Variants in KCNH8 observed in about 807,000 individuals in gnomAD.
KCNH8 encodes the protein voltage-gated delayed rectifier potassium channel KCNH8.
In KCNH8, 70 loss-of-function variants were observed where a neutral mutation model predicts 103.6. That is an observed-to-expected ratio of 0.68 (90% CI 0.56 to 0.82). The LOEUF is 0.82. Among genes scored for constraint, KCNH8 ranks in the 40% least tolerant of loss-of-function variants. The pLI, the probability that KCNH8 is intolerant of heterozygous loss-of-function variation, is 0.00. For synonymous variants in KCNH8, 498 were observed against 489.4 expected (o/e 1.02, Z -0.23); for missense variants, 1,217 against 1,329.9 (o/e 0.92, Z 1.32).
chr3:19,491,258 A>T (rs2068314461), intron 11 of KCNH8, among the ~76,000 whole-genome samples: 1 of 152,130 alleles, frequency 6.6e-6, no homozygotes, highest in East Asian at 1.9e-4. Context: ...GGGCAGGTTT[A>T]TTACATGGGG....
chr3:19,375,293 C>T (rs1183024182), intron 5 of KCNH8, among the ~76,000 whole-genome samples: 1 of 149,494 alleles, frequency 6.7e-6, no homozygotes, highest in Non-Finnish European at 1.5e-5. Context: ...TTCTTGGAGG[C>T]TTTGCTCATT....
chr3:19,384,092 TAATAA>T (rs895031586), intron 5 of KCNH8, among the ~76,000 whole-genome samples: 5 of 152,192 alleles, frequency 3.3e-5, no homozygotes, highest in Admixed American at 6.6e-5. Flanking sequence ...TAAACTTATA[TAATAA>T]AATAAAAGCA....
intron 3 of KCNH8, among the ~76,000 whole-genome samples, chr3:19,295,225 GA>G (rs898376397): frequency 6.6e-6 from 1 of 151,286 alleles, no homozygotes; most frequent in African/African-American, 2.4e-5. Context: ...ACAAAACATT[GA>G]AAAAAAATTT....
intron 3 of KCNH8, among the ~76,000 whole-genome samples, chr3:19,305,013 G>C (rs192258608): frequency 6.6e-6 from 1 of 151,918 alleles, no homozygotes; most frequent in Non-Finnish European, 1.5e-5. Context: ...TGCCAGCTAA[G>C]TTCCCAGATC....
chr3:19,194,336 C>T (rs1575427295), intron 1 of KCNH8, among the ~76,000 whole-genome samples: 2 of 151,628 alleles, frequency 1.3e-5, no homozygotes, highest in East Asian at 3.9e-4. Context: ...TTTATTTGAG[C>T]AAGTGTTAGT....
intron 1 of KCNH8, among the ~76,000 whole-genome samples, chr3:19,249,799 A>G (rs2064252713): frequency 6.6e-6 from 1 of 152,154 alleles, no homozygotes; most frequent in South Asian, 2.1e-4. Flanking sequence ...AATTCAAGTT[A>G]TGGGCTTCTT....
intron 1 of KCNH8, among the ~76,000 whole-genome samples, chr3:19,205,006 C>T (rs930551886): frequency 6.6e-6 from 1 of 151,838 alleles, no homozygotes; most frequent in African/African-American, 2.4e-5. Context: ...TATGGTCATA[C>T]AAAAGAAACC....
At chr3:19,386,838 G>A (rs2066363774) in intron 5 of KCNH8, among the ~76,000 whole-genome samples, 1 of 152,060 alleles carries the variant, frequency 6.6e-6, no homozygotes, top group Admixed American at 6.6e-5. Flanking sequence ...TAAAGGGAGT[G>A]GGACAGCTAC....
intron 1 of KCNH8, among the ~76,000 whole-genome samples, chr3:19,179,601 G>GT (rs1483768811): frequency 6.6e-6 from 1 of 152,108 alleles, no homozygotes; most frequent in African/African-American, 2.4e-5. Flanking sequence ...TCTGCAGAGA[G>GT]TTTAACAGAA....
chr3:19,336,618 A>G lies in KCNH8; in HGVS notation c.443-5969A>G, dbSNP rs908318225. On this transcript the variant is annotated intron_variant, in intron 3 of 15. Transcript: ENST00000328405. ...AATTTTATTTATTTTTTGCCACCACAGCTATCAATTTCTGAGACAGATGAA... is the reference window on the plus strand; with the variant it reads ...AATTTTATTTATTTTTTGCCACCACGGCTATCAATTTCTGAGACAGATGAA... Among the ~76,000 whole-genome samples, 91 of 152,022 alleles carry G rather than the reference A, an allele frequency of 6.0e-4. 1 individual carries two copies. Among genetic ancestry groups the G allele is most frequent in the Admixed American group, 6.0e-3 (91 of 15,242 alleles).
At position 19,438,271 on chromosome 3, in the gene KCNH8, C is replaced by G. The variant is rs2067230331; in HGVS notation, c.1285C>G (p.Leu429Val). Residue 429 changes from leucine to valine, a missense_variant, in exon 8 of 16, where the codon CTG becomes GTG. Coordinates refer to ENST00000328405, the MANE Select transcript of KCNH8 (RefSeq NM_144633.3). ...SAYIAALYFT[L>V]SSLTSVGFGN... Reference sequence around the variant, plus strand: ...CTATATTGCCGCTCTGTACTTCACGCTGAGCAGCCTCACCAGCGTGGGTTT... The same window carrying G: ...CTATATTGCCGCTCTGTACTTCACGGTGAGCAGCCTCACCAGCGTGGGTTT... The G allele has an allele frequency of 6.2e-7, 1 of 1,614,006 alleles. No individual in the cohort carries two copies. The highest frequency in any genetic ancestry group is 8.5e-7 in the Non-Finnish European group (1 of 1,180,012).
intron 7 of KCNH8, among the ~76,000 whole-genome samples, chr3:19,411,693 G>A (rs892702396): frequency 3.3e-5 from 5 of 151,706 alleles, no homozygotes; most frequent in African/African-American, 1.2e-4. Context: ...ACAAAAATCA[G>A]TAGTGTGCCT....
intron 5 of KCNH8, among the ~76,000 whole-genome samples, chr3:19,380,728 T>C (rs1004841037): frequency 6.0e-4 from 92 of 152,256 alleles, no homozygotes; most frequent in African/African-American, 2.1e-3. Flanking sequence ...TGAAGAGCAC[T>C]CAGTGCCAAG....
intron 1 of KCNH8, among the ~76,000 whole-genome samples, chr3:19,249,957 G>A (rs1029440276): frequency 7.9e-5 from 12 of 152,136 alleles, no homozygotes; most frequent in African/African-American, 2.9e-4. Context: ...AATGGCAAAG[G>A]CAAGCTGGGT....
At chr3:19,469,095 G>C (rs1243192741) in intron 11 of KCNH8, among the ~76,000 whole-genome samples, 1 of 152,172 alleles carries the variant, frequency 6.6e-6, no homozygotes, top group Admixed American at 6.6e-5. Context: ...TAGCCTGTGT[G>C]TAGGTGTGCA....
In KCNH8 at chr3:19,512,975, G is replaced by T. The variant is rs1437569849; in HGVS notation, c.2085G>T (p.Glu695Asp). 13 of 1,612,930 alleles carry T rather than the reference G, an allele frequency of 8.1e-6. No individual in the cohort carries two copies. Among genetic ancestry groups the T allele is most frequent in the Non-Finnish European group, 1.1e-5 (13 of 1,179,540 alleles). The change falls in exon 13 of 16, where the codon GAG (glutamate) becomes GAT (aspartate). Residue 695 changes from glutamate to aspartate, a missense_variant. Glu to Asp is a conservative substitution (Grantham distance 45). Transcript: ENST00000328405. Reference protein sequence around the residue: ...LSNKSMVSQSEPKGNGNINKR... With the variant: ...LSNKSMVSQSDPKGNGNINKR... ...TATATTATCCACTGATTTAGTCAGA[G>T]CCCAAGGGAAATGGCAACATCAACA...
intron 3 of KCNH8, among the ~76,000 whole-genome samples, chr3:19,311,053 T>G (rs1327244872): frequency 6.6e-6 from 1 of 151,806 alleles, no homozygotes; most frequent in Non-Finnish European, 1.5e-5. Context: ...CTTTCCCGTC[T>G]GCTTATCACA....
chr3:19,213,904 C>T (rs1339674468), intron 1 of KCNH8, among the ~76,000 whole-genome samples: 2 of 152,154 alleles, frequency 1.3e-5, no homozygotes, highest in Non-Finnish European at 2.9e-5. Flanking sequence ...CCTCTGCAAG[C>T]CTGCAGCTTC....
At chr3:19,285,139 T>C (rs929273994) in intron 3 of KCNH8, among the ~76,000 whole-genome samples, 2 of 151,610 alleles carry the variant, frequency 1.3e-5, no homozygotes, top group Non-Finnish European at 1.5e-5. Context: ...TTTAGTTAAT[T>C]AAAATTAAAT....
Sources: allele counts gnomAD v4.1 joint callset (sites outside exome capture counted in the v4.1 genomes callset), GRCh38; gene constraint gnomAD v4.1.1; transcripts MANE v1.5; gene names NCBI Gene and HGNC (gene_info 2026-07-23, HGNC 2026-07-21).